The following MAML3 variants were observed in gnomAD, a reference collection of about 807,000 sequenced individuals.
The protein encoded by MAML3 is mastermind like transcriptional coactivator 3.
Under a neutral mutation model 101.9 loss-of-function variants are expected in MAML3, and 27 were observed. That is an observed-to-expected ratio of 0.27 (90% CI 0.20 to 0.37). The LOEUF is 0.37. MAML3 is among the 10% of genes least tolerant of loss of function. The pLI, the probability that MAML3 is intolerant of heterozygous loss-of-function variation, is 1.00. For synonymous variants in MAML3, 501 were observed against 555.9 expected, an observed-to-expected ratio of 0.90 and a Z score of 1.39; for missense variants, 1,316 against 1,444.9, an observed-to-expected ratio of 0.91 and a Z score of 1.45.
intron 2 of MAML3, among the ~76,000 whole-genome samples, chr4:139,816,843 T>C (rs574233580): frequency 6.6e-6 from 1 of 152,288 alleles, no homozygotes; most frequent in Non-Finnish European, 1.5e-5. Context: ...TCCCAGACTG[T>C]GTGGCTATAC....
chr4:139,904,977 C>T (rs1732793840), intron 1 of MAML3, among the ~76,000 whole-genome samples: 1 of 152,220 alleles, frequency 6.6e-6, no homozygotes, highest in Non-Finnish European at 1.5e-5. Flanking sequence ...TATATGTGGC[C>T]TGTCGTTGAC....
At chr4:140,004,124 A>C (rs1299368264) in intron 1 of MAML3, among the ~76,000 whole-genome samples, 1 of 152,208 alleles carries the variant, frequency 6.6e-6, no homozygotes, top group Non-Finnish European at 1.5e-5. Context: ...TTATTTCAGA[A>C]GCCTTTCTGA....
intron 1 of MAML3, among the ~76,000 whole-genome samples, chr4:140,094,783 CCTGT>C (rs1282285227): frequency 2.6e-5 from 4 of 152,234 alleles, no homozygotes; most frequent in South Asian, 2.1e-4. Flanking sequence ...TTCCTCCTTT[CCTGT>C]CTGTCTGTCT....
chr4:139,770,841 A>T (rs1729960455), intron 2 of MAML3, among the ~76,000 whole-genome samples: 1 of 152,224 alleles, frequency 6.6e-6, no homozygotes, highest in African/African-American at 2.4e-5. Context: ...TATATTTGTA[A>T]AGCAAAATGT....
intron 2 of MAML3, among the ~76,000 whole-genome samples, chr4:139,772,738 T>C (rs1730021614): frequency 6.6e-6 from 1 of 152,142 alleles, no homozygotes; most frequent in Admixed American, 6.5e-5. Context: ...CAGTCAATGT[T>C]CTGTCACTGG....
chr4:139,764,248 C>G (rs1332938573), intron 2 of MAML3, among the ~76,000 whole-genome samples: 1 of 152,170 alleles, frequency 6.6e-6, no homozygotes, highest in Non-Finnish European at 1.5e-5. Context: ...ATGGGCAAGA[C>G]TCATTTATTT....
intron 2 of MAML3, among the ~76,000 whole-genome samples, chr4:139,866,755 C>T (rs1731906759): frequency 1.3e-5 from 2 of 152,174 alleles, no homozygotes; most frequent in Admixed American, 1.3e-4. Flanking sequence ...GAGCAGTCGG[C>T]AATTCCAGTT....
chr4:139,930,879 A>T (rs1733378008), intron 1 of MAML3, among the ~76,000 whole-genome samples: 1 of 152,064 alleles, frequency 6.6e-6, no homozygotes, highest in Non-Finnish European at 1.5e-5. Context: ...TAGGAAATTG[A>T]AGGCTCCGTC....
intron 2 of MAML3, among the ~76,000 whole-genome samples, chr4:139,774,775 C>T (rs1204746241): frequency 1.3e-5 from 2 of 152,206 alleles, no homozygotes; most frequent in Non-Finnish European, 2.9e-5. Flanking sequence ...GAATTTACTA[C>T]AAATGGCAGT....
intron 2 of MAML3, among the ~76,000 whole-genome samples, chr4:139,807,874 A>AT (rs142801748): frequency 0.06 from 9,116 of 152,260 alleles, 418 homozygotes; most frequent in Non-Finnish European, 0.084. Context: ...TACACTCCAA[A>AT]TTTGATATAT....
intron 1 of MAML3, among the ~76,000 whole-genome samples, chr4:140,131,346 T>G (rs778260532): frequency 3.9e-5 from 6 of 152,146 alleles, no homozygotes; most frequent in Non-Finnish European, 8.8e-5. Flanking sequence ...GGTCACAAAG[T>G]TCATTGTAGC....
Position 140,117,092 on chromosome 4 carries a change from C to CA in MAML3, c.468+35767dup, listed in dbSNP as rs1356548822. ...TTCCTTAGAAAAATTTTAAAGTTCT[C>CA]AAAATGGGGATTTCTCTAGTCTCTT... On this transcript the variant is annotated intron_variant, in intron 1 of 4. Coordinates refer to ENST00000509479, the MANE Select transcript of MAML3 (RefSeq NM_018717.5). 5.9e-5 allele frequency among the ~76,000 whole-genome samples: 9 copies of CA among 152,240 alleles called. No individual in the cohort carries two copies. The East Asian group carries it at 7.7e-4, about 13-fold the overall frequency.
intron 1 of MAML3, among the ~76,000 whole-genome samples, chr4:140,136,846 A>G (rs1475919768): frequency 1.3e-5 from 2 of 152,202 alleles, no homozygotes; most frequent in African/African-American, 4.8e-5. Context: ...ATGCTAAGAA[A>G]GAGGTTAAAG....
At chr4:139,965,200 GT>G (rs34595097) in intron 1 of MAML3, among the ~76,000 whole-genome samples, 39,875 of 139,134 alleles carry the variant, frequency 0.29, 5,453 homozygotes, top group Non-Finnish European at 0.33. Context: ...CTCCCTGCTA[GT>G]TTTTTTTTTT....
At chr4:139,856,308 C>A (rs1303528692) in intron 2 of MAML3, among the ~76,000 whole-genome samples, 2 of 152,192 alleles carry the variant, frequency 1.3e-5, no homozygotes, top group African/African-American at 4.8e-5. Context: ...TTTAACTTGT[C>A]ATTTACGAAG....
intron 2 of MAML3, among the ~76,000 whole-genome samples, chr4:139,862,524 A>G (rs1249781812): frequency 6.6e-6 from 1 of 152,198 alleles, no homozygotes; most frequent in Non-Finnish European, 1.5e-5. Flanking sequence ...TCTTCTGACC[A>G]TTCATGTTGC....
intron 1 of MAML3, among the ~76,000 whole-genome samples, chr4:140,093,379 G>GA (rs1297344806): frequency 6.6e-6 from 1 of 151,322 alleles, no homozygotes; most frequent in Non-Finnish European, 1.5e-5. Context: ...GTTGCTCAGT[G>GA]GATCCTAACC....
chr4:139,778,094 C>A (rs1253482771), intron 2 of MAML3, among the ~76,000 whole-genome samples: 1 of 152,190 alleles, frequency 6.6e-6, no homozygotes, highest in East Asian at 1.9e-4. Flanking sequence ...ACGGTATTCT[C>A]AAGCCTTGGA....
chr4:139,787,604 T>C (rs1196358715), intron 2 of MAML3, among the ~76,000 whole-genome samples: 2 of 152,232 alleles, frequency 1.3e-5, no homozygotes, highest in Non-Finnish European at 2.9e-5. Context: ...ATGTTTTATA[T>C]GTTATCTTAA....
Sources: allele counts gnomAD v4.1 joint callset (sites outside exome capture counted in the v4.1 genomes callset), GRCh38; gene constraint gnomAD v4.1.1; transcripts MANE v1.5; gene names NCBI Gene and HGNC (gene_info 2026-07-23, HGNC 2026-07-21).